Variants in IGSF11 observed in about 807,000 individuals in gnomAD.
IGSF11 encodes the protein CXADR like 1.
Under a neutral mutation model 41.0 loss-of-function variants are expected in IGSF11, and 22 were observed. That is an observed-to-expected ratio of 0.54 (90% CI 0.38 to 0.77). IGSF11 has a LOEUF of 0.77. Among genes scored for constraint, IGSF11 ranks in the 30% least tolerant of loss-of-function variants. IGSF11 has a pLI of 0.00. For synonymous variants in IGSF11, 219 were observed against 201.3 expected (o/e 1.09, Z -0.74); for missense variants, 444 against 530.8 (o/e 0.84, Z 1.61).
At chr3:119,021,896 T>C (rs35865) in intron 1 of IGSF11, among the ~76,000 whole-genome samples, 121,563 of 152,114 alleles carry the variant, frequency 0.8, 48,857 homozygotes, top group African/African-American at 0.89. Context: ...AAGCAAGTCA[T>C]AGAGTAAGAG....
chr3:118,924,145 CTTATT>C lies in IGSF11; in HGVS notation c.580+1951_580+1955del, dbSNP rs150076597. Among the ~76,000 whole-genome samples the C allele has an allele frequency of 1.7e-3, 259 of 152,082 alleles. 3 individuals carry two copies. The highest frequency in any genetic ancestry group is 5.8e-3 in the African/African-American group (241 of 41,498). On this transcript the variant is annotated intron_variant, in intron 4 of 6. Coordinates refer to ENST00000393775, the MANE Select transcript of IGSF11 (RefSeq NM_001015887.3). ...ATTTATCAGTAGGGATTTGGTGATT[CTTATT>C]TTATTCTATGGACTATATATTTAAT...
intron 1 of IGSF11, among the ~76,000 whole-genome samples, chr3:119,001,605 A>C (rs1396919978): frequency 2.4e-5 from 3 of 127,476 alleles, no homozygotes; most frequent in Admixed American, 7.6e-5. Context: ...ATATCTCCCA[A>C]TGCTATCCCT....
At chr3:119,116,681 G>T (rs1258909137) in intron 1 of IGSF11, among the ~76,000 whole-genome samples, 2 of 152,184 alleles carry the variant, frequency 1.3e-5, no homozygotes, top group Non-Finnish European at 2.9e-5. Context: ...GGGAGGAGAG[G>T]AGCCTGAGTC....
chr3:118,967,843 G>T (rs1945790264), intron 1 of IGSF11, among the ~76,000 whole-genome samples: 1 of 152,094 alleles, frequency 6.6e-6, no homozygotes, highest in Non-Finnish European at 1.5e-5. Context: ...CTATGCATTG[G>T]CAAGCAGTGC....
chr3:118,914,297 G>A (rs548157537), intron 4 of IGSF11, among the ~76,000 whole-genome samples: 204 of 151,666 alleles, frequency 1.3e-3, no homozygotes, highest in African/African-American at 3.2e-3. Context: ...AGCTCCCAGC[G>A]TGAGCGACGC....
upstream of IGSF11, among the ~76,000 whole-genome samples, chr3:119,108,633 GGAGTGGTGA>G (rs1559872182): frequency 8.4e-6 from 1 of 118,516 alleles, no homozygotes; most frequent in Non-Finnish European, 1.8e-5. Context: ...ATGTTGAATA[GGAGTGGTGA>G]GAGAGGGCCT....
chr3:119,102,615 G>T (rs948622215), intron 1 of IGSF11, among the ~76,000 whole-genome samples: 40 of 152,014 alleles, frequency 2.6e-4, no homozygotes, highest in African/African-American at 9.6e-4. Context: ...TTCAAATATT[G>T]CATCTAGTCC....
intron 1 of IGSF11, among the ~76,000 whole-genome samples, chr3:119,042,043 A>AAT (rs1941136652): frequency 1.3e-5 from 2 of 152,200 alleles, no homozygotes; most frequent in African/African-American, 2.4e-5. Context: ...TTAGTCCCCT[A>AAT]ATATATATAT....
At chr3:118,987,996 A>G (rs759318843) in intron 1 of IGSF11, among the ~76,000 whole-genome samples, 6 of 152,204 alleles carry the variant, frequency 3.9e-5, no homozygotes, top group Admixed American at 6.5e-5. Flanking sequence ...TATGCAACCA[A>G]TCCAAGTTTT....
chr3:119,138,382 T>C (rs34389003), intron 1 of IGSF11, among the ~76,000 whole-genome samples: 19,925 of 152,168 alleles, frequency 0.13, 1,365 homozygotes, highest in East Asian at 0.23. Context: ...GGAGTACCAC[T>C]TAGCCATAAA....
chr3:118,980,462 T>C (rs1305452282), intron 1 of IGSF11, among the ~76,000 whole-genome samples: 3 of 152,100 alleles, frequency 2.0e-5, no homozygotes, highest in Non-Finnish European at 4.4e-5. Context: ...TGGGAGCTAA[T>C]AAAGTTGATC....
At chr3:118,970,738 TAC>T (rs1159549012) in intron 1 of IGSF11, among the ~76,000 whole-genome samples, 52 of 136,584 alleles carry the variant, frequency 3.8e-4, no homozygotes, top group African/African-American at 1.5e-3. Flanking sequence ...TTCAAACAGC[TAC>T]ACAGTTTTAC....
At chr3:119,126,834 C>T (rs2077410901) in intron 1 of IGSF11, among the ~76,000 whole-genome samples, 1 of 90,674 alleles carries the variant, frequency 1.1e-5, no homozygotes, top group Non-Finnish European at 3.1e-5. Context: ...ACAGCATCAA[C>T]AACAACAACA....
chr3:118,965,814 G>A (rs1266638237), intron 1 of IGSF11, among the ~76,000 whole-genome samples: 3 of 152,050 alleles, frequency 2.0e-5, no homozygotes, highest in Non-Finnish European at 2.9e-5. Context: ...TGGAATTAGG[G>A]AAGCATTTAT....
At chr3:119,055,701 A>C (rs1007765869) in intron 1 of IGSF11, among the ~76,000 whole-genome samples, 89 of 152,334 alleles carry the variant, frequency 5.8e-4, no homozygotes, top group African/African-American at 1.9e-3. Context: ...CTTATTTGAA[A>C]ATTGGCCACA....
intron 1 of IGSF11, among the ~76,000 whole-genome samples, chr3:119,110,545 A>G (rs1464960848): frequency 2.6e-5 from 4 of 152,082 alleles, no homozygotes; most frequent in Non-Finnish European, 4.4e-5. Flanking sequence ...TCTTTATCCA[A>G]TTTGCCAGTC....
rs541504678 is a variant in IGSF11 at position 119,034,700 on chromosome 3, G to A, written c.-118C>T. 6 of 1,387,488 alleles carry A rather than the reference G, an allele frequency of 4.3e-6. No homozygotes were observed. In the East Asian group the frequency reaches 1.5e-4, roughly 34 times the overall value. The allele number at this position is 1,387,488 out of a possible 1,614,324, so 85.9% of individuals were successfully genotyped here. A position where few individuals can be genotyped will look rare whatever the true frequency, so the allele number is the denominator to read the frequency against. ...CTGGTCCTCCCACACCCAGCGCCGG[G>A]CCGCTGTTCCCCGCGCAGAGCTGGG... On this transcript the variant is annotated 5_prime_UTR_variant, in exon 1 of 7. Coordinates refer to ENST00000393775, the MANE Select transcript of IGSF11 (RefSeq NM_001015887.3).
intron 1 of IGSF11, among the ~76,000 whole-genome samples, chr3:118,954,213 G>GT (rs1276230396): frequency 1.3e-5 from 2 of 152,078 alleles, no homozygotes; most frequent in African/African-American, 2.4e-5. Context: ...TCAGGTGGTT[G>GT]TAAGTATTTG....
intron 1 of IGSF11, among the ~76,000 whole-genome samples, chr3:119,059,858 G>GT (rs1354605446): frequency 6.6e-6 from 1 of 152,174 alleles, no homozygotes; most frequent in Non-Finnish European, 1.5e-5. Context: ...ATTTGGAATT[G>GT]TAAGTCTTGA....
Sources: allele counts gnomAD v4.1 joint callset (sites outside exome capture counted in the v4.1 genomes callset), GRCh38; gene constraint gnomAD v4.1.1; transcripts MANE v1.5; gene names NCBI Gene and HGNC (gene_info 2026-07-23, HGNC 2026-07-21).